The following TANGO2 variants were observed in gnomAD, a reference collection of about 807,000 sequenced individuals.
TANGO2 encodes transport and golgi organization 2 homolog, also known as transport and Golgi organization protein 2 homolog.
TANGO2 carries 26 observed loss-of-function variants against 39.1 expected under a neutral mutation model. The observed-to-expected ratio is 0.67, with a 90% CI of 0.49 to 0.92. The LOEUF (loss-of-function observed/expected upper bound fraction) is 0.92. Among genes scored for constraint, TANGO2 ranks in the 40% least tolerant of loss-of-function variants. The probability of loss-of-function intolerance (pLI) is 0.00; values close to 1 mark genes in which losing one functional copy is unlikely to be tolerated. For synonymous variants in TANGO2, 131 were observed against 144.5 expected (o/e 0.91, Z 0.67); for missense variants, 326 against 360.1 (o/e 0.91, Z 0.77).
chr22:20,061,192 G>A (rs760233770), intron 6 of TANGO2: 24 of 195,508 alleles, frequency 1.2e-4, no homozygotes, highest in South Asian at 6.4e-4. Context: ...CCAACCTGGC[G>A]TGAGGTGAAG....
intron 1 of TANGO2, among the ~76,000 whole-genome samples, chr22:20,031,185 G>A (rs146528353): frequency 0.021 from 3,064 of 144,002 alleles, 110 homozygotes; most frequent in African/African-American, 0.072. Flanking sequence ...GTGACAGATC[G>A]AGACTCTGTC....
intron 1 of TANGO2, among the ~76,000 whole-genome samples, chr22:20,021,874 C>T (rs1439570503): frequency 6.6e-6 from 1 of 152,250 alleles, no homozygotes; most frequent in Non-Finnish European, 1.5e-5. Context: ...CCTTGGCTTC[C>T]TGCTGGACCA....
At chr22:20,047,734 G>T (rs1569295880) in intron 3 of TANGO2, among the ~76,000 whole-genome samples, 1 of 152,206 alleles carries the variant, frequency 6.6e-6, no homozygotes, top group East Asian at 1.9e-4. Context: ...TTTCCTGTCT[G>T]TCATATCCTT....
At chr22:20,052,731 T>C (rs1300019612) in intron 4 of TANGO2, 147 bp downstream of exon 4, 8 of 1,072,078 alleles carry the variant, frequency 7.5e-6, no homozygotes, top group Non-Finnish European at 9.3e-6. Context: ...GTGCTTGTGC[T>C]TGGGAGTGGG....
At chr22:20,040,843 C>T (rs2043767207) in intron 2 of TANGO2, among the ~76,000 whole-genome samples, 1 of 152,160 alleles carries the variant, frequency 6.6e-6, no homozygotes, top group South Asian at 2.1e-4. Context: ...GTTAGAGGTA[C>T]AAAGGCTGAG....
chr22:20,061,476 G>A, intron 6 of TANGO2, 54 bp from the exon 7 acceptor site: 6 of 1,533,764 alleles, frequency 3.9e-6, no homozygotes, highest in Non-Finnish European at 5.3e-6. Flanking sequence ...GTGGCAATTT[G>A]CCCTGACATG....
intron 6 of TANGO2, among the ~76,000 whole-genome samples, chr22:20,059,568 T>C (rs1340816285): frequency 6.6e-6 from 1 of 152,216 alleles, no homozygotes; most frequent in African/African-American, 2.4e-5. Context: ...TTTTTGATGA[T>C]AGCCACGATA....
rs757929904 is a variant in TANGO2, at chr22:20,057,293, G to T, written c.451+1280G>T. 6.6e-6 allele frequency among the ~76,000 whole-genome samples: 1 copy of T among 152,112 alleles called. No homozygotes were observed. Among genetic ancestry groups the T allele is most frequent in the Non-Finnish European group, 1.5e-5 (1 of 68,002 alleles). ...CTGGAGCTGGCTTCCAGCTTCCCAC[G>T]TCTGCCCAGTGATGTTTCATCCACA... On this transcript the variant is annotated intron_variant, in intron 6 of 8. Coordinates refer to ENST00000327374, the MANE Select transcript of TANGO2 (RefSeq NM_152906.7). The surrounding 1 kb of genome is among the most constrained non-coding windows in gnomAD (Gnocchi z 4.1).
rs2046568807 is a variant in TANGO2 at position 20,052,599 on chromosome 22, G to A, written c.265+15G>A. On this transcript the variant is annotated intron_variant, in intron 4 of 8. Coordinates refer to ENST00000327374, the MANE Select transcript of TANGO2 (RefSeq NM_152906.7). The stretch of plus-strand genomic sequence containing the variant: ...CCGAGGGCGAGGTAAGGCGAGTGGG[G>A]TGGGGCCAAGGTGAGACAGGGTGGG... 2 of 1,552,876 alleles carry A rather than the reference G, an allele frequency of 1.3e-6. No homozygotes were observed. The highest frequency in any genetic ancestry group is 4.8e-5 in the East Asian group (2 of 41,314).
At chr22:20,062,376 C>T (rs1568921464) in intron 7 of TANGO2, among the ~76,000 whole-genome samples, 4 of 152,326 alleles carry the variant, frequency 2.6e-5, no homozygotes, top group Admixed American at 1.3e-4. Flanking sequence ...CCAGCGTCCA[C>T]TCCCACCCTG....
chr22:20,024,179 T>C (rs917536075), intron 1 of TANGO2, among the ~76,000 whole-genome samples: 4 of 150,042 alleles, frequency 2.7e-5, no homozygotes, highest in African/African-American at 7.4e-5. Context: ...AACAGGACCA[T>C]TGCACTCCAG....
chr22:20,044,712 G>A (rs900978934), intron 3 of TANGO2, among the ~76,000 whole-genome samples: 5 of 152,182 alleles, frequency 3.3e-5, no homozygotes, highest in Non-Finnish European at 7.4e-5. Flanking sequence ...GCTGGTATAG[G>A]AGGATGCAGT....
In TANGO2 at chr22:20,066,919, G is replaced by A. The variant is rs2049242439; in HGVS notation, c.*2257G>A. On this transcript the variant is annotated 3_prime_UTR_variant, in exon 9 of 9. Coordinates refer to ENST00000327374, the MANE Select transcript of TANGO2 (RefSeq NM_152906.7). ...CCTGCCCAGGGCTCCCCAGCAGCCTGAGGCCCCTAAGGAAGAACAGCCCTC... is the reference window on the plus strand; with the variant it reads ...CCTGCCCAGGGCTCCCCAGCAGCCTAAGGCCCCTAAGGAAGAACAGCCCTC... 6.6e-6 allele frequency: 1 copy of A among 152,400 alleles called. No individual in the cohort carries two copies. Among genetic ancestry groups the A allele is most frequent in the African/African-American group, 2.4e-5 (1 of 41,444 alleles). 9.4% of individuals were successfully genotyped at this position (152,400 alleles called of 1,614,324 possible).
At chr22:20,061,904 G>GGCCC (rs1439833844) in intron 7 of TANGO2, 1 of 579,980 alleles carries the variant, frequency 1.7e-6, no homozygotes, top group Non-Finnish European at 2.9e-6. Flanking sequence ...CCCAGGCCCA[G>GGCCC]GCCCAGGCCC....
Position 20,064,799 on chromosome 22 carries a change from G to A in TANGO2, c.*137G>A. 1 of 1,120,288 alleles carries A rather than the reference G, an allele frequency of 8.9e-7. No homozygotes were observed. The highest frequency in any genetic ancestry group is 1.2e-6 in the Non-Finnish European group (1 of 803,188). The allele number at this position is 1,120,288 out of a possible 1,614,324, so 69.4% of individuals were successfully genotyped here. ...GCATCCCCCGGATCAGGGCCCTGTG[G>A]TTTGCGTGTTACCCATCTGTGTCCC... On this transcript the variant is annotated 3_prime_UTR_variant, in exon 9 of 9. Transcript: ENST00000327374.
chr22:20,029,248 T>C (rs2041376485), intron 1 of TANGO2, among the ~76,000 whole-genome samples: 1 of 152,108 alleles, frequency 6.6e-6, no homozygotes, highest in South Asian at 2.1e-4. Flanking sequence ...AGCCCTAGGC[T>C]GGAGAGGGGA....
chr22:20,027,822 G>A (rs955011756), intron 1 of TANGO2, among the ~76,000 whole-genome samples: 5 of 150,526 alleles, frequency 3.3e-5, no homozygotes, highest in African/African-American at 9.8e-5. Context: ...TTTTTGAAAC[G>A]GAGTCTCGCG....
chr22:20,061,665 T>A lies in TANGO2; in HGVS notation c.587T>A (p.Val196Glu). ...KDVLIASLLDVLNNEEAQLPD... is the reference protein window; with the variant it reads ...KDVLIASLLDELNNEEAQLPD... ...GTGCTCATCGCCAGCCTCCTGGATGTGCTCAACAATGAAGAGGCGTGAGTG... is the reference window on the plus strand; with the variant it reads ...GTGCTCATCGCCAGCCTCCTGGATGAGCTCAACAATGAAGAGGCGTGAGTG... The change falls in exon 7 of 9, where the codon GTG (valine) becomes GAG (glutamate). Residue 196 changes from valine (V) to glutamate (E), a missense_variant. Val to Glu is a moderately radical substitution (Grantham distance 121). Transcript: ENST00000327374. The A allele has an allele frequency of 6.4e-7, 1 of 1,553,442 alleles. No homozygotes were observed.
At chr22:20,064,038 G>GT (rs1242367949) in intron 8 of TANGO2, among the ~76,000 whole-genome samples, 1 of 152,248 alleles carries the variant, frequency 6.6e-6, no homozygotes, top group Non-Finnish European at 1.5e-5. Flanking sequence ...GGCAGAGAGG[G>GT]TTGGAGGAGA....
Sources: gnomAD v4.1 joint callset for allele counts (sites outside exome capture counted in the v4.1 genomes callset) on GRCh38, gnomAD v4.1.1 for gene constraint, Gnocchi (gnomAD v3.1) non-coding constraint, MANE v1.5 for transcripts, NCBI Gene and HGNC (gene_info 2026-07-23, HGNC 2026-07-21) for gene names.